Variants in WWTR1 observed in about 807,000 individuals in gnomAD.
WWTR1 encodes WW domain containing transcription regulator 1.
A neutral mutation model predicts 40.1 loss-of-function variants in WWTR1; 13 were observed. That is an observed-to-expected ratio of 0.32 (90% CI 0.21 to 0.52). WWTR1 has a LOEUF of 0.52. Ranked by LOEUF, WWTR1 falls within the 20% of genes least tolerant of loss-of-function variation. The pLI is 0.97. For missense variants in WWTR1, 436 were observed against 523.1 expected (o/e 0.83, Z 1.63); for synonymous variants, 230 against 210.1 (o/e 1.09, Z -0.82).
intron 2 of WWTR1, among the ~76,000 whole-genome samples, chr3:149,641,273 C>T (rs1385832555): frequency 1.3e-5 from 2 of 152,170 alleles, no homozygotes; most frequent in Admixed American, 6.6e-5. Context: ...GTTTATAATG[C>T]TTGTTTTCAG....
At chr3:149,671,461 C>A (rs1030587967) in intron 1 of WWTR1, among the ~76,000 whole-genome samples, 3 of 152,208 alleles carry the variant, frequency 2.0e-5, no homozygotes, top group African/African-American at 7.2e-5. Context: ...TCAAAAGTTT[C>A]TGCTGGCATA....
chr3:149,597,385 T>C (rs1473186009), intron 2 of WWTR1, among the ~76,000 whole-genome samples: 1 of 126,962 alleles, frequency 7.9e-6, no homozygotes, highest in Non-Finnish European at 1.5e-5. Flanking sequence ...AGATTGAGCC[T>C]AGAGGTTCGA....
chr3:149,534,781 C>T (rs1297099711), intron 4 of WWTR1, among the ~76,000 whole-genome samples: 2 of 152,200 alleles, frequency 1.3e-5, no homozygotes, highest in African/African-American at 4.8e-5. Flanking sequence ...TTGTGGTCAA[C>T]TATCTAGCTC....
chr3:149,611,263 C>A (rs1033060529), intron 2 of WWTR1, among the ~76,000 whole-genome samples: 65 of 152,304 alleles, frequency 4.3e-4, no homozygotes, highest in African/African-American at 1.5e-3. Context: ...CGTAGCAAGA[C>A]AATGACCCAT....
chr3:149,650,650 C>T (rs1712810404), intron 2 of WWTR1, among the ~76,000 whole-genome samples: 1 of 121,260 alleles, frequency 8.2e-6, no homozygotes, highest in Non-Finnish European at 1.9e-5. Flanking sequence ...TCTCCATTTC[C>T]TCTTCCTCCC....
At chr3:149,535,418 C>T (rs1446580007) in intron 4 of WWTR1, among the ~76,000 whole-genome samples, 4 of 151,916 alleles carry the variant, frequency 2.6e-5, no homozygotes, top group South Asian at 2.1e-4. Flanking sequence ...CTTTTTAATT[C>T]GGTGCCAAGG....
Position 149,551,953 on chromosome 3 carries a change from C to T in WWTR1, c.569-9416G>A, listed in dbSNP as rs137886817. 6.3e-4 allele frequency among the ~76,000 whole-genome samples: 92 copies of T among 145,942 alleles called. 13 individuals are homozygous for T. Among genetic ancestry groups the T allele is most frequent in the African/African-American group, 2.2e-3 (86 of 38,550 alleles). ...TGTGATAATTGGAATGGGAATATTA[C>T]ATACTCATTTTGTCTGTAATTTTTG... On this transcript the variant is annotated intron_variant, in intron 3 of 6. Coordinates refer to ENST00000360632, the MANE Select transcript of WWTR1 (RefSeq NM_015472.6).
intron 5 of WWTR1, among the ~76,000 whole-genome samples, chr3:149,711,835 C>A (rs1715485598): frequency 6.6e-6 from 1 of 152,208 alleles, no homozygotes; most frequent in Non-Finnish European, 1.5e-5. Context: ...CCTTCTCTGA[C>A]CACCCAATCT....
At chr3:149,681,482 T>C (rs1714456339) in intron 1 of WWTR1, among the ~76,000 whole-genome samples, 1 of 152,246 alleles carries the variant, frequency 6.6e-6, no homozygotes, top group African/African-American at 2.4e-5. Context: ...TGTCTTTATT[T>C]GGAGAAATGT....
chr3:149,601,776 C>T lies in WWTR1; in HGVS notation c.432-28776G>A, dbSNP rs368228805. 5.3e-5 allele frequency among the ~76,000 whole-genome samples: 8 copies of T among 151,866 alleles called. No individual in the cohort carries two copies. The South Asian group carries it at 6.2e-4, about 12-fold the overall frequency. ...CTTTGGCTACCTTTTAAGGATCCTC[C>T]GGTCTACTTGAGAAATAAAACGTGC... On this transcript the variant is annotated intron_variant, in intron 2 of 6. Coordinates refer to ENST00000360632, the MANE Select transcript of WWTR1 (RefSeq NM_015472.6).
upstream of WWTR1, among the ~76,000 whole-genome samples, chr3:149,703,911 G>A (rs1425376880): frequency 1.3e-5 from 2 of 152,186 alleles, no homozygotes; most frequent in African/African-American, 4.8e-5. Flanking sequence ...GTGGAACCAT[G>A]AGCCAAAATA....
chr3:149,654,970 C>T (rs1713111935), intron 2 of WWTR1, among the ~76,000 whole-genome samples: 1 of 149,114 alleles, frequency 6.7e-6, no homozygotes, highest in African/African-American at 2.5e-5. Flanking sequence ...AAAAAAAATA[C>T]AAAAAAGTAG....
At chr3:149,620,559 A>ACC (rs1740217995) in intron 2 of WWTR1, among the ~76,000 whole-genome samples, 2 of 7,098 alleles carry the variant, frequency 2.8e-4, no homozygotes, top group African/African-American at 6.6e-4. Flanking sequence ...CCCCTCCTCC[A>ACC]CCGCTCCCCC....
At chr3:149,596,302 T>C (rs1165291580) in intron 2 of WWTR1, among the ~76,000 whole-genome samples, 2 of 152,228 alleles carry the variant, frequency 1.3e-5, no homozygotes, top group East Asian at 3.9e-4. Context: ...CTCTCAGACC[T>C]GGCACTGATA....
At chr3:149,724,474 C>A (rs112005102) in intron 3 of WWTR1, among the ~76,000 whole-genome samples, 3 of 147,770 alleles carry the variant, frequency 2.0e-5, no homozygotes, top group Non-Finnish European at 4.5e-5. Flanking sequence ...ATTTTTATAC[C>A]GTCCACCCTA....
chr3:149,543,554 C>G (rs1378249242), intron 3 of WWTR1, among the ~76,000 whole-genome samples: 2 of 67,190 alleles, frequency 3.0e-5, no homozygotes, highest in African/African-American at 1.2e-4. Context: ...TACACTCCAG[C>G]CTGGTGACAA....
intron 2 of WWTR1, among the ~76,000 whole-genome samples, chr3:149,606,361 G>A (rs1739487162): frequency 6.6e-6 from 1 of 152,132 alleles, no homozygotes; most frequent in Non-Finnish European, 1.5e-5. Flanking sequence ...GGCAGTCTTG[G>A]TTTCAAACAT....
chr3:149,657,558 A>C, intron 1 of WWTR1: 1 of 521,908 alleles, frequency 1.9e-6, no homozygotes, highest in Admixed American at 3.4e-5. Context: ...GGAGGAGAAG[A>C]TAGGGCGAGG....
chr3:149,609,492 A>G (rs1739637231), intron 2 of WWTR1, among the ~76,000 whole-genome samples: 1 of 152,232 alleles, frequency 6.6e-6, no homozygotes, highest in South Asian at 2.1e-4. Flanking sequence ...TTAAAATAAT[A>G]CTATTTTGTG....
Sources: allele counts gnomAD v4.1 joint callset (sites outside exome capture counted in the v4.1 genomes callset), GRCh38; gene constraint gnomAD v4.1.1; transcripts MANE v1.5; gene names NCBI Gene and HGNC (gene_info 2026-07-23, HGNC 2026-07-21).